Variants in LEKR1 observed in about 807,000 individuals in gnomAD.
LEKR1 encodes the protein protein LEKR1.
A neutral mutation model predicts 72.4 loss-of-function variants in LEKR1; 59 were observed. The ratio of observed to expected loss-of-function variants is 0.82; its 90% CI spans 0.66 to 1.01. The LOEUF (loss-of-function observed/expected upper bound fraction) is 1.01. LEKR1 is among the 50% of genes least tolerant of loss of function. The pLI, the probability that LEKR1 is intolerant of heterozygous loss-of-function variation, is 0.00. For synonymous variants in LEKR1, 257 were observed against 263.2 expected (o/e 0.98, Z 0.23); for missense variants, 728 against 759.2 (o/e 0.96, Z 0.48).
intron 9 of LEKR1, among the ~76,000 whole-genome samples, chr3:157,001,848 A>G (rs1401649258): frequency 1.3e-5 from 2 of 152,234 alleles, no homozygotes; most frequent in East Asian, 1.9e-4. Flanking sequence ...CTAAGGAATG[A>G]AAAGAAAGAA....
intron 12 of LEKR1, among the ~76,000 whole-genome samples, chr3:157,030,103 G>A (rs987371143): frequency 1.3e-5 from 2 of 152,300 alleles, no homozygotes; most frequent in East Asian, 1.9e-4. Context: ...TACAATCATG[G>A]CGGAAGGTGA....
chr3:156,922,585 C>G (rs562649582), intron 4 of LEKR1, among the ~76,000 whole-genome samples: 27 of 152,156 alleles, frequency 1.8e-4, no homozygotes, highest in Non-Finnish European at 3.8e-4. Context: ...TGGGCTTAAT[C>G]ACTAGCCTCC....
chr3:156,859,593 C>G (rs1716517881), intron 3 of LEKR1, among the ~76,000 whole-genome samples: 1 of 152,154 alleles, frequency 6.6e-6, no homozygotes, highest in South Asian at 2.1e-4. Flanking sequence ...GACACATCAT[C>G]ATCATCCCAA....
intron 3 of LEKR1, among the ~76,000 whole-genome samples, chr3:156,872,949 G>A (rs1417879873): frequency 6.6e-6 from 1 of 151,920 alleles, no homozygotes; most frequent in Non-Finnish European, 1.5e-5. Context: ...GTATATATCT[G>A]TTAGGTCCCT....
chr3:157,042,577 C>A (rs968317091), intron 12 of LEKR1, among the ~76,000 whole-genome samples: 10 of 152,236 alleles, frequency 6.6e-5, no homozygotes, highest in African/African-American at 2.4e-4. Flanking sequence ...TGGAATGTCA[C>A]TTGCCTGAAA....
At chr3:157,003,253 T>G (rs1732148607) in intron 9 of LEKR1, among the ~76,000 whole-genome samples, 1 of 152,208 alleles carries the variant, frequency 6.6e-6, no homozygotes, top group South Asian at 2.1e-4. Context: ...GCTACTTTAT[T>G]TCCATTGACA....
At position 156,974,229 on chromosome 3, in the gene LEKR1, A is replaced by C. The variant is rs577223549; in HGVS notation, c.746-4965A>C. On this transcript the variant is annotated intron_variant, in intron 6 of 12. Coordinates refer to ENST00000356539, the MANE Select transcript of LEKR1 (RefSeq NM_001004316.3). ...ATCATATCTACATGTAGCTACATGG[A>C]TAGGTCTCAAAAAACATAATATTGA... Among the ~76,000 whole-genome samples, 52 of 152,308 alleles carry C rather than the reference A, an allele frequency of 3.4e-4. 1 individual carries two copies. The highest frequency in any genetic ancestry group is 1.2e-3 in the African/African-American group (51 of 41,570).
At chr3:156,914,817 G>A (rs369826367) in intron 3 of LEKR1, among the ~76,000 whole-genome samples, 55 of 152,112 alleles carry the variant, frequency 3.6e-4, no homozygotes, top group African/African-American at 1.2e-3. Context: ...TAGGTTTGGG[G>A]TACATGTACA....
intron 6 of LEKR1, among the ~76,000 whole-genome samples, chr3:156,968,504 C>G (rs922008249): frequency 6.6e-6 from 1 of 152,062 alleles, no homozygotes; most frequent in African/African-American, 2.4e-5. Context: ...AACTTTAAAC[C>G]AACAAAGATC....
intron 7 of LEKR1, chr3:156,979,571 C>A (rs1200007088): frequency 1.2e-5 from 2 of 163,176 alleles, no homozygotes; most frequent in East Asian, 3.5e-4. Context: ...AGTTCAAATG[C>A]AGTAACTTAA....
At chr3:156,838,699 C>A (rs1713483847) in intron 2 of LEKR1, among the ~76,000 whole-genome samples, 3 of 152,202 alleles carry the variant, frequency 2.0e-5, no homozygotes, top group Admixed American at 2.0e-4. Context: ...CCTCACTGGG[C>A]AAGGACAGCA....
At chr3:156,942,854 A>G (rs1327481776) in intron 6 of LEKR1, 140 bp downstream of exon 6, 4 of 350,792 alleles carry the variant, frequency 1.1e-5, no homozygotes, top group South Asian at 6.9e-5. Context: ...TAGTATCACT[A>G]TGGTGATAAC....
chr3:156,992,263 G>A (rs1347768168), intron 7 of LEKR1, among the ~76,000 whole-genome samples: 1 of 152,190 alleles, frequency 6.6e-6, no homozygotes, highest in Non-Finnish European at 1.5e-5. Context: ...CCCCTGCAGG[G>A]TGCTGACTGG....
At chr3:156,872,549 ATCTG>A (rs1278856655) in intron 3 of LEKR1, among the ~76,000 whole-genome samples, 1 of 151,892 alleles carries the variant, frequency 6.6e-6, no homozygotes, top group East Asian at 1.9e-4. Context: ...TCGATTTGAA[ATCTG>A]TCTATTGTTT....
intron 12 of LEKR1, among the ~76,000 whole-genome samples, chr3:157,040,233 G>A (rs1342659218): frequency 6.6e-6 from 1 of 152,172 alleles, no homozygotes; most frequent in African/African-American, 2.4e-5. Flanking sequence ...AATTAAGTTG[G>A]ATTATTGACT....
chr3:156,847,309 A>G (rs1714732726), intron 2 of LEKR1, among the ~76,000 whole-genome samples: 1 of 152,254 alleles, frequency 6.6e-6, no homozygotes, highest in Non-Finnish European at 1.5e-5. Flanking sequence ...TTTGTTTCAT[A>G]GTTTATTTTC....
chr3:157,004,977 G>A (rs1002777963), intron 9 of LEKR1, among the ~76,000 whole-genome samples: 6 of 151,880 alleles, frequency 4.0e-5, no homozygotes, highest in Non-Finnish European at 8.8e-5. Flanking sequence ...AAAAACAATA[G>A]ACAATATCAG....
intron 3 of LEKR1, among the ~76,000 whole-genome samples, chr3:156,897,141 C>G (rs1161946231): frequency 6.6e-6 from 1 of 152,076 alleles, no homozygotes. Flanking sequence ...CACACCAAAC[C>G]CTGTGACACA....
intron 10 of LEKR1, among the ~76,000 whole-genome samples, chr3:157,014,633 A>G (rs1331753796): frequency 1.3e-5 from 2 of 152,180 alleles, no homozygotes; most frequent in Non-Finnish European, 2.9e-5. Context: ...CATGGCTAAA[A>G]GGAATATTGA....
Sources: gnomAD v4.1 joint callset for allele counts (sites outside exome capture counted in the v4.1 genomes callset) on GRCh38, gnomAD v4.1.1 for gene constraint, MANE v1.5 for transcripts, NCBI Gene and HGNC (gene_info 2026-07-23, HGNC 2026-07-21) for gene names.